SMC6: variants seen among roughly 807,000 people sequenced by gnomAD.
The protein encoded by SMC6 is structural maintenance of chromosomes protein 6.
A neutral mutation model predicts 142.2 loss-of-function variants in SMC6; 79 were observed. That is an observed-to-expected ratio of 0.56 (90% CI 0.46 to 0.67). SMC6 has a LOEUF of 0.67. SMC6 is among the 30% of genes least tolerant of loss of function. The pLI is 0.00. For missense variants in SMC6, 1,072 were observed against 1,284.0 expected, an observed-to-expected ratio of 0.83 and a Z score of 2.52; for synonymous variants, 411 against 412.4, an observed-to-expected ratio of 1.00 and a Z score of 0.04.
intron 7 of SMC6, among the ~76,000 whole-genome samples, chr2:17,727,342 C>T (rs1220737157): frequency 6.6e-6 from 1 of 152,064 alleles, no homozygotes; most frequent in Non-Finnish European, 1.5e-5. Context: ...GCCTAGCCTC[C>T]CAACCTACAT....
chr2:17,740,849 CA>C, intron 4 of SMC6: 4 of 156,976 alleles, frequency 2.5e-5, no homozygotes, highest in South Asian at 5.0e-5. Context: ...GACTCTGTCT[CA>C]AAAAAACAAA....
At chr2:17,751,141 A>T (rs1671009691) in intron 2 of SMC6, among the ~76,000 whole-genome samples, 1 of 152,028 alleles carries the variant, frequency 6.6e-6, no homozygotes, top group Non-Finnish European at 1.5e-5. Flanking sequence ...AAGTTCATGG[A>T]ACAGGTTTGG....
chr2:17,729,895 T>C (rs11678559), intron 7 of SMC6, among the ~76,000 whole-genome samples: 42,026 of 152,068 alleles, frequency 0.28, 6,351 homozygotes, highest in Non-Finnish European at 0.33. Flanking sequence ...CCCCACTGAA[T>C]AGCATAGATA....
intron 24 of SMC6, chr2:17,680,741 A>T (rs945718042): frequency 3.3e-5 from 5 of 152,196 alleles, no homozygotes; most frequent in African/African-American, 1.2e-4. Context: ...TCAGTAATCC[A>T]TGATACTATA....
At chr2:17,714,756 A>C in intron 16 of SMC6, 105 bp downstream of exon 16, 1 of 1,191,222 alleles carries the variant, frequency 8.4e-7, no homozygotes, top group Non-Finnish European at 1.2e-6. Flanking sequence ...GAAATTTTAC[A>C]AATCAGTGGT....
intron 5 of SMC6, among the ~76,000 whole-genome samples, chr2:17,737,928 G>T (rs1670236322): frequency 1.3e-5 from 2 of 152,144 alleles, no homozygotes; most frequent in Admixed American, 1.3e-4. Context: ...ATAAACACTT[G>T]TTAAACAGGG....
At chr2:17,751,210 T>A (rs752503128) in intron 2 of SMC6, among the ~76,000 whole-genome samples, 3 of 151,924 alleles carry the variant, frequency 2.0e-5, no homozygotes, top group Non-Finnish European at 4.4e-5. Context: ...CTGGGCTCAG[T>A]AGCTCACGCC....
intron 25 of SMC6, among the ~76,000 whole-genome samples, chr2:17,672,938 T>C (rs1666832785): frequency 1.3e-5 from 2 of 152,224 alleles, no homozygotes; most frequent in African/African-American, 2.4e-5. Context: ...ACTAATTTTT[T>C]CTTGGGTTTA....
chr2:17,688,821 C>T (rs541070618), intron 23 of SMC6, among the ~76,000 whole-genome samples: 2 of 152,242 alleles, frequency 1.3e-5, no homozygotes, highest in South Asian at 2.1e-4. Flanking sequence ...ATTGCAAAGG[C>T]AAGTAAATAA....
chr2:17,717,160 G>A lies in SMC6; in HGVS notation c.1109C>T (p.Ser370Phe), dbSNP rs367969244. The change falls in exon 13 of 28, where the codon TCC (serine) becomes TTC (phenylalanine). Residue 370 changes from serine (S) to phenylalanine (F), a missense_variant. This residue lies in a region of SMC6 where 994 missense variants were observed against 1,153.2 expected (regional missense o/e 0.86). Transcript: ENST00000448223. ...CTTTAATGCTTTATATTCGTTTAAG[G>A]ATCGGTTATATAAAACCTAACCAAA... ...YNEAEVLYNR[S>F]LNEYKALKKD... The A allele has an allele frequency of 6.2e-7, 1 of 1,608,386 alleles. No homozygotes were observed. Among genetic ancestry groups the A allele is most frequent in the Non-Finnish European group, 8.5e-7 (1 of 1,178,386 alleles).
intron 25 of SMC6, among the ~76,000 whole-genome samples, chr2:17,677,185 C>T (rs2103493448): frequency 6.6e-6 from 1 of 152,196 alleles, no homozygotes; most frequent in South Asian, 2.1e-4. Context: ...TGTAAAAGAA[C>T]AATGGCGTCT....
At chr2:17,681,003 G>A (rs1319734681) in intron 24 of SMC6, 1 of 152,198 alleles carries the variant, frequency 6.6e-6, no homozygotes, top group Non-Finnish European at 1.5e-5. Flanking sequence ...TGTCTGTGTT[G>A]AAAATCCATT....
At chr2:17,690,778 C>A (rs1455978780) in intron 23 of SMC6, among the ~76,000 whole-genome samples, 2 of 151,674 alleles carry the variant, frequency 1.3e-5, no homozygotes, top group South Asian at 4.2e-4. Context: ...GTAAGAGAAA[C>A]GTACATTAAA....
chr2:17,715,478 T>C (rs183770358), intron 15 of SMC6, among the ~76,000 whole-genome samples: 1 of 152,148 alleles, frequency 6.6e-6, no homozygotes, highest in East Asian at 1.9e-4. Flanking sequence ...AAATGGATCC[T>C]GGTATAAAGG....
At chr2:17,735,909 G>C (rs1010948074) in intron 5 of SMC6, among the ~76,000 whole-genome samples, 1 of 152,214 alleles carries the variant, frequency 6.6e-6, no homozygotes, top group Non-Finnish European at 1.5e-5. Context: ...TATAATGTTA[G>C]AGATGGGGGA....
At chr2:17,688,098 T>C (rs1238882532) in intron 23 of SMC6, among the ~76,000 whole-genome samples, 1 of 152,062 alleles carries the variant, frequency 6.6e-6, no homozygotes, top group African/African-American at 2.4e-5. Flanking sequence ...GAGACACCAA[T>C]ACAAACTCAC....
chr2:17,703,029 T>A, intron 19 of SMC6, 128 bp downstream of exon 19: 1 of 478,422 alleles, frequency 2.1e-6, no homozygotes, highest in Non-Finnish European at 3.6e-6. Context: ...AGCTCTTTGA[T>A]GAGTGTAAAG....
chr2:17,753,330 C>T (rs1202104626), intron 1 of SMC6, among the ~76,000 whole-genome samples: 1 of 151,664 alleles, frequency 6.6e-6, no homozygotes, highest in Non-Finnish European at 1.5e-5. Context: ...AGTCTGGGGA[C>T]GGCCGCCTGG....
chr2:17,720,577 T>C (rs536604943), intron 11 of SMC6, among the ~76,000 whole-genome samples: 36 of 152,346 alleles, frequency 2.4e-4, no homozygotes, highest in African/African-American at 8.4e-4. Flanking sequence ...TTCTAATTTA[T>C]ATTATTCTAG....
Sources: gnomAD v4.1 joint callset for allele counts (sites outside exome capture counted in the v4.1 genomes callset) on GRCh38, gnomAD v4.1.1 for gene constraint, gnomAD v4.1.1 regional missense constraint, MANE v1.5 for transcripts, NCBI Gene and HGNC (gene_info 2026-07-23, HGNC 2026-07-21) for gene names.